Variants in CORIN observed in about 807,000 individuals in gnomAD.
The protein encoded by CORIN is corin, serine peptidase, also known as atrial natriuretic peptide-converting enzyme.
In CORIN, 117 loss-of-function variants were observed where a neutral mutation model predicts 125.3. The observed-to-expected ratio is 0.93, with a 90% CI of 0.80 to 1.09. The LOEUF (loss-of-function observed/expected upper bound fraction) is 1.09, where lower values mean the gene tolerates loss of function less well. CORIN is among the 50% of genes least tolerant of loss of function. The pLI, the probability that CORIN is intolerant of heterozygous loss-of-function variation, is 0.00. For synonymous variants in CORIN, 450 were observed against 466.4 expected, an observed-to-expected ratio of 0.96 and a Z score of 0.45; for missense variants, 1,253 against 1,306.7, an observed-to-expected ratio of 0.96 and a Z score of 0.63.
chr4:47,657,625 G>A (rs1724053896), intron 12 of CORIN, among the ~76,000 whole-genome samples: 1 of 151,784 alleles, frequency 6.6e-6, no homozygotes, highest in African/African-American at 2.4e-5. Context: ...AGGCTTTAAA[G>A]GAGGCCTAGA....
intron 19 of CORIN, among the ~76,000 whole-genome samples, chr4:47,605,346 C>T (rs923479007): frequency 6.6e-6 from 1 of 152,140 alleles, no homozygotes; most frequent in South Asian, 2.1e-4. Flanking sequence ...ACCTGGCCTA[C>T]AGTAGGTCCT....
At chr4:47,817,181 A>G (rs1452051833) in intron 1 of CORIN, among the ~76,000 whole-genome samples, 2 of 152,088 alleles carry the variant, frequency 1.3e-5, no homozygotes, top group Admixed American at 6.6e-5. Flanking sequence ...CCTACCTGGA[A>G]CACAAAGAAC....
chr4:47,696,485 A>T (rs1018094849), intron 5 of CORIN, among the ~76,000 whole-genome samples: 1 of 152,200 alleles, frequency 6.6e-6, no homozygotes, highest in Admixed American at 6.5e-5. Flanking sequence ...CCCCAAATAG[A>T]GCATATATTC....
intron 12 of CORIN, among the ~76,000 whole-genome samples, chr4:47,655,851 A>C (rs1436696525): frequency 1.2e-5 from 1 of 81,994 alleles, no homozygotes; most frequent in East Asian, 2.5e-4. Flanking sequence ...TTTCAGCAGA[A>C]AAAAAAAAAA....
chr4:47,829,130 C>G (rs1260132894), intron 1 of CORIN, among the ~76,000 whole-genome samples: 1 of 120,484 alleles, frequency 8.3e-6, no homozygotes, highest in Admixed American at 1.2e-4. Context: ...TGCACTCCAG[C>G]CTGGGTGACA....
intron 16 of CORIN, among the ~76,000 whole-genome samples, chr4:47,632,001 A>G (rs1177090958): frequency 2.6e-5 from 4 of 152,208 alleles, no homozygotes; most frequent in African/African-American, 9.6e-5. Context: ...TAAATATTTC[A>G]AGGCTTAGGA....
intron 19 of CORIN, among the ~76,000 whole-genome samples, chr4:47,614,720 G>T (rs1722008292): frequency 6.6e-6 from 1 of 152,154 alleles, no homozygotes; most frequent in Non-Finnish European, 1.5e-5. Flanking sequence ...AATGACTACA[G>T]ACATGATTAC....
chr4:47,664,323 A>G (rs760248368), intron 11 of CORIN, among the ~76,000 whole-genome samples: 60 of 152,332 alleles, frequency 3.9e-4, no homozygotes, highest in Non-Finnish European at 5.7e-4. Context: ...AATCAGAAGC[A>G]CTTTACATTC....
chr4:47,806,016 C>T (rs990730441), intron 2 of CORIN, among the ~76,000 whole-genome samples: 1 of 152,180 alleles, frequency 6.6e-6, no homozygotes, highest in African/African-American at 2.4e-5. Context: ...AAGTATCATT[C>T]ACTTAGAAAA....
At chr4:47,797,122 A>T (rs1471435122) in intron 2 of CORIN, among the ~76,000 whole-genome samples, 1 of 151,752 alleles carries the variant, frequency 6.6e-6, no homozygotes, top group Admixed American at 6.6e-5. Context: ...ATAGTATTAC[A>T]TTATAGCTAA....
intron 1 of CORIN, among the ~76,000 whole-genome samples, chr4:47,828,218 G>A (rs1029364955): frequency 6.6e-6 from 1 of 152,128 alleles, no homozygotes; most frequent in Non-Finnish European, 1.5e-5. Flanking sequence ...AATATCCTGA[G>A]TGATAAGAGT....
At chr4:47,831,463 G>T (rs1169422390) in intron 1 of CORIN, 1 of 152,266 alleles carries the variant, frequency 6.6e-6, no homozygotes, top group Non-Finnish European at 1.5e-5. Flanking sequence ...CAGAACTGGG[G>T]ACAGTGACAG....
At chr4:47,628,437 C>T (rs1014165535) in intron 16 of CORIN, among the ~76,000 whole-genome samples, 7 of 147,388 alleles carry the variant, frequency 4.7e-5, no homozygotes, top group South Asian at 2.2e-4. Context: ...CACATAGTTA[C>T]GTGTGTGTGT....
At chr4:47,665,343 C>A (rs1394672127) in intron 10 of CORIN, 80 bp from the exon 11 acceptor site, 2 of 992,612 alleles carry the variant, frequency 2.0e-6, no homozygotes, top group African/African-American at 1.6e-5. Flanking sequence ...AACTTGAAGT[C>A]TATTTTATTC....
chr4:47,706,730 T>G, intron 5 of CORIN: 4 of 1,603,984 alleles, frequency 2.5e-6, no homozygotes, highest in East Asian at 2.2e-5. Flanking sequence ...GAATTCTTAC[T>G]GGGTTGGTGA....
chr4:47,732,880 T>G (rs1188699281), intron 5 of CORIN, among the ~76,000 whole-genome samples: 1 of 151,992 alleles, frequency 6.6e-6, no homozygotes, highest in Non-Finnish European at 1.5e-5. Flanking sequence ...TACTCTTTAT[T>G]GGCCTGTTTC....
At chr4:47,749,143 T>C (rs1204725312) in intron 4 of CORIN, among the ~76,000 whole-genome samples, 3 of 152,086 alleles carry the variant, frequency 2.0e-5, no homozygotes, top group African/African-American at 7.2e-5. Context: ...AGAATCTTTG[T>C]GACAGGTGGA....
chr4:47,712,439 T>C (rs1476992069), intron 5 of CORIN, among the ~76,000 whole-genome samples: 1 of 152,150 alleles, frequency 6.6e-6, no homozygotes, highest in Non-Finnish European at 1.5e-5. Context: ...TGCATCACCA[T>C]GCCTGGTTAA....
intron 21 of CORIN, among the ~76,000 whole-genome samples, chr4:47,598,650 T>G (rs1163789492): frequency 6.6e-6 from 1 of 152,208 alleles, no homozygotes; most frequent in Non-Finnish European, 1.5e-5. Flanking sequence ...TATTAATCAT[T>G]GCTGCCAGAC....
Sources: gnomAD v4.1 joint callset for allele counts (sites outside exome capture counted in the v4.1 genomes callset) on GRCh38, gnomAD v4.1.1 for gene constraint, MANE v1.5 for transcripts, NCBI Gene and HGNC (gene_info 2026-07-23, HGNC 2026-07-21) for gene names.